DNAH7: variants seen among roughly 807,000 people sequenced by gnomAD.
The protein encoded by DNAH7 is dynein axonemal heavy chain 7, also known as axonemal beta dynein heavy chain 7.
Under a neutral mutation model 444.6 loss-of-function variants are expected in DNAH7, and 397 were observed. The observed-to-expected ratio is 0.89, with a 90% CI of 0.82 to 0.97. The LOEUF (loss-of-function observed/expected upper bound fraction) is 0.97. Ranked by LOEUF, DNAH7 falls within the 50% of genes least tolerant of loss-of-function variation. The pLI is 0.00. For missense variants in DNAH7, 4,902 were observed against 4,800.8 expected (o/e 1.02, Z -0.62); for synonymous variants, 1,636 against 1,624.4 (o/e 1.01, Z -0.17).
chr2:195,958,803 T>C (rs79779572), intron 18 of DNAH7, among the ~76,000 whole-genome samples: 1,717 of 152,282 alleles, frequency 0.011, 34 homozygotes, highest in East Asian at 0.072. Flanking sequence ...GTAAGGTCCA[T>C]TGTAACATCT....
intron 58 of DNAH7, among the ~76,000 whole-genome samples, chr2:195,781,178 G>A (rs532066908): frequency 1.3e-5 from 2 of 152,292 alleles, no homozygotes; most frequent in East Asian, 3.9e-4. Flanking sequence ...GCCTGGGCTT[G>A]CGCTGTTGAC....
intron 19 of DNAH7, among the ~76,000 whole-genome samples, chr2:195,951,470 G>A (rs2125483878): frequency 6.6e-6 from 1 of 152,246 alleles, no homozygotes; most frequent in African/African-American, 2.4e-5. Flanking sequence ...TTGGTCCACA[G>A]CTGGGTTGAA....
chr2:195,995,362 T>C, intron 12 of DNAH7: 1 of 518,896 alleles, frequency 1.9e-6, no homozygotes, highest in Non-Finnish European at 3.9e-6. Flanking sequence ...AGGAGCTGAA[T>C]GAACTTCTTG....
chr2:195,908,120 T>G (rs964290769), intron 25 of DNAH7, among the ~76,000 whole-genome samples: 2 of 152,100 alleles, frequency 1.3e-5, no homozygotes, highest in Non-Finnish European at 2.9e-5. Flanking sequence ...TTACATAGAT[T>G]CAAAAACTGA....
In DNAH7 at chr2:196,019,192, C is replaced by A. The variant is rs377178640; in HGVS notation, c.847G>T (p.Asp283Tyr). ...CACTTAAAATTAGTGTGCCACAAAT[C>A]TAGTACAGCCAGCATTGTGGGGTTC... ...AMNPTMLAVL[D>Y]LWHTNFKKLR... Residue 283 changes from aspartate to tyrosine, a missense_variant, in exon 9 of 65, where the codon GAT becomes TAT. Transcript: ENST00000312428. The A allele has an allele frequency of 1.3e-6, 2 of 1,499,352 alleles. No homozygotes were observed. Among genetic ancestry groups the A allele is most frequent in the Non-Finnish European group, 1.8e-6 (2 of 1,112,250 alleles). The allele number at this position is 1,499,352 out of a possible 1,614,324, so 92.9% of individuals were successfully genotyped here.
chr2:195,881,683 G>T, intron 36 of DNAH7, 112 bp downstream of exon 36: 1 of 1,168,932 alleles, frequency 8.6e-7, no homozygotes, highest in Non-Finnish European at 1.2e-6. Context: ...ATTCTCTGCA[G>T]TTCAAACATC....
chr2:195,968,174 G>A (rs1691607290), intron 17 of DNAH7, among the ~76,000 whole-genome samples: 1 of 152,184 alleles, frequency 6.6e-6, no homozygotes, highest in Non-Finnish European at 1.5e-5. Flanking sequence ...TGGACTTGGG[G>A]GCCCCAAGGT....
intron 19 of DNAH7, among the ~76,000 whole-genome samples, chr2:195,944,089 A>G (rs921971461): frequency 6.6e-6 from 1 of 152,074 alleles, no homozygotes; most frequent in Admixed American, 6.6e-5. Flanking sequence ...ACATAAATTC[A>G]TACTTCTGAC....
chr2:196,013,766 T>A (rs1694851768), intron 9 of DNAH7, among the ~76,000 whole-genome samples: 1 of 152,222 alleles, frequency 6.6e-6, no homozygotes. Flanking sequence ...ATGTTTTAAA[T>A]AAAATGTTTA....
At chr2:195,771,293 T>A (rs1229757014) in intron 61 of DNAH7, among the ~76,000 whole-genome samples, 1 of 151,926 alleles carries the variant, frequency 6.6e-6, no homozygotes, top group Non-Finnish European at 1.5e-5. Context: ...TGAGCGGTAA[T>A]CACATGACTA....
At chr2:195,976,374 T>C (rs1442187714) in intron 15 of DNAH7, among the ~76,000 whole-genome samples, 1 of 152,144 alleles carries the variant, frequency 6.6e-6, no homozygotes, top group Non-Finnish European at 1.5e-5. Context: ...GGAAGGACTT[T>C]GTCTTGTGGT....
At chr2:195,834,410 C>T (rs775724562) in intron 47 of DNAH7, 50 bp from the exon 48 acceptor site, 2 of 1,549,630 alleles carry the variant, frequency 1.3e-6, no homozygotes, top group Admixed American at 3.5e-5. Context: ...TTTGTTTCTA[C>T]ACTACTTAAT....
intron 46 of DNAH7, among the ~76,000 whole-genome samples, chr2:195,845,987 C>T (rs1698968598): frequency 1.3e-5 from 2 of 152,162 alleles, no homozygotes; most frequent in Admixed American, 1.3e-4. Context: ...ACAATTGCAA[C>T]AAAAACGAAA....
At chr2:195,774,773 T>C (rs1423785575) in intron 60 of DNAH7, among the ~76,000 whole-genome samples, 5 of 152,240 alleles carry the variant, frequency 3.3e-5, no homozygotes, top group African/African-American at 4.8e-5. Context: ...GGAACAGCAC[T>C]AGTACAGAGT....
At chr2:195,880,813 G>A (rs1043627904) in intron 36 of DNAH7, among the ~76,000 whole-genome samples, 3 of 152,166 alleles carry the variant, frequency 2.0e-5, no homozygotes, top group African/African-American at 4.8e-5. Context: ...AAGTTCCTAA[G>A]TTTGTGAAAA....
chr2:195,801,015 A>C (rs1696422373), intron 54 of DNAH7, among the ~76,000 whole-genome samples: 2 of 152,138 alleles, frequency 1.3e-5, no homozygotes, highest in Admixed American at 1.3e-4. Context: ...GAATTAGTTG[A>C]TATAAAGTCA....
At chr2:196,061,647 A>G (rs1698139433) in intron 1 of DNAH7, among the ~76,000 whole-genome samples, 1 of 152,136 alleles carries the variant, frequency 6.6e-6, no homozygotes, top group Non-Finnish European at 1.5e-5. Flanking sequence ...ATCTCACAAT[A>G]TCCATTATTA....
chr2:195,935,506 T>C (rs1441325299), intron 20 of DNAH7, among the ~76,000 whole-genome samples: 1 of 152,176 alleles, frequency 6.6e-6, no homozygotes, highest in African/African-American at 2.4e-5. Context: ...ATTCACTGTT[T>C]ATATCAGATG....
In DNAH7 at chr2:195,876,422, T is replaced by A. The variant is rs1574639630; in HGVS notation, c.6117+122A>T. 3.1e-6 allele frequency: 3 copies of A among 961,274 alleles called. No homozygotes were observed. In the East Asian group the frequency reaches 7.7e-5, roughly 25 times the overall value. The allele number at this position is 961,274 out of a possible 1,614,324, so 59.5% of individuals were successfully genotyped here. On this transcript the variant is annotated intron_variant, in intron 37 of 64. Coordinates refer to ENST00000312428, the MANE Select transcript of DNAH7 (RefSeq NM_018897.3). ...CTACATTTTTAGGAGAACCTTTTAATCCAAATTTGTGACATTAAAAAACTA... is the reference window on the plus strand; with the variant it reads ...CTACATTTTTAGGAGAACCTTTTAAACCAAATTTGTGACATTAAAAAACTA...
Sources: allele counts gnomAD v4.1 joint callset (sites outside exome capture counted in the v4.1 genomes callset), GRCh38; gene constraint gnomAD v4.1.1; transcripts MANE v1.5; gene names NCBI Gene and HGNC (gene_info 2026-07-23, HGNC 2026-07-21).